Variants in C16orf95 observed in about 807,000 individuals in gnomAD.
The protein encoded by C16orf95 is chromosome 16 open reading frame 95.
C16orf95 carries 41 observed loss-of-function variants against 32.1 expected under a neutral mutation model. The ratio of observed to expected loss-of-function variants is 1.28; its 90% CI spans 1.00 to 1.66. C16orf95 has a LOEUF of 1.66. C16orf95 is among the 40% of genes most tolerant of loss of function. The pLI is 0.00. For missense variants in C16orf95, 399 were observed against 325.9 expected (o/e 1.22, Z -1.73); for synonymous variants, 147 against 128.9 (o/e 1.14, Z -0.95).
chr16:87,311,293 G>C lies in C16orf95; in HGVS notation c.334C>G (p.Gln112Glu), dbSNP rs896233701. Reference sequence around the variant, plus strand: ...GGGATAGGAAATTGAACCGTCTTTTGACTCTAACAGAGAGGATGGGAGGAG... The same window carrying C: ...GGGATAGGAAATTGAACCGTCTTTTCACTCTAACAGAGAGGATGGGAGGAG... ...PLSLRPRKQSQKTVQFPIPQT... is the reference protein window; with the variant it reads ...PLSLRPRKQSEKTVQFPIPQT... Residue 112 changes from glutamine to glutamate, a missense_variant, in exon 4 of 7, where the codon CAA becomes GAA. Gln to Glu is a conservative substitution (Grantham distance 29). Transcript: ENST00000567970. The C allele has an allele frequency of 2.6e-6, 4 of 1,529,458 alleles. No individual in the cohort carries two copies. The highest frequency in any genetic ancestry group is 3.5e-6 in the Non-Finnish European group (4 of 1,142,022). 94.7% of individuals were successfully genotyped at this position (1,529,458 alleles called of 1,614,324 possible).
intron 6 of C16orf95, 128 bp from the exon 7 acceptor site, chr16:87,303,203 G>T: frequency 2.2e-6 from 2 of 908,188 alleles, no homozygotes; most frequent in Non-Finnish European, 3.5e-6. Flanking sequence ...AGGGCTGGAG[G>T]AATCCCAGGC....
chr16:87,307,344 A>G (rs187842618), intron 5 of C16orf95, among the ~76,000 whole-genome samples: 1 of 152,384 alleles, frequency 6.6e-6, no homozygotes, highest in East Asian at 1.9e-4. Flanking sequence ...AGGAATACAC[A>G]TATGTGCCAG....
At chr16:87,311,818 T>C (rs1911296310) in intron 3 of C16orf95, among the ~76,000 whole-genome samples, 1 of 152,204 alleles carries the variant, frequency 6.6e-6, no homozygotes, top group African/African-American at 2.4e-5. Flanking sequence ...CACAGAAATA[T>C]TTGTTGCACC....
intron 1 of C16orf95, 143 bp downstream of exon 1, chr16:87,316,948 G>T: frequency 7.6e-7 from 1 of 1,312,416 alleles, no homozygotes; most frequent in Non-Finnish European, 9.9e-7. Flanking sequence ...CATCAGTTGC[G>T]TTTTTGTTAA....
chr16:87,314,637 C>T (rs2150655763), intron 3 of C16orf95, among the ~76,000 whole-genome samples: 1 of 152,244 alleles, frequency 6.6e-6, no homozygotes, highest in Middle Eastern at 3.4e-3. Flanking sequence ...CCACATTGTA[C>T]ATTTGACACA....
chr16:87,312,244 C>T (rs921504031), intron 3 of C16orf95, among the ~76,000 whole-genome samples: 1 of 152,184 alleles, frequency 6.6e-6, no homozygotes. Flanking sequence ...GGAGGAGTTA[C>T]AGCTCTGCAC....
intron 3 of C16orf95, among the ~76,000 whole-genome samples, chr16:87,314,689 GT>G (rs1206208331): frequency 1.4e-4 from 22 of 152,152 alleles, no homozygotes; most frequent in Admixed American, 1.4e-3. Context: ...TAGAAGTCTA[GT>G]TTTTAGAAAA....
At chr16:87,310,370 C>G in intron 4 of C16orf95, 37 bp from the exon 5 acceptor site, 1 of 1,535,248 alleles carries the variant, frequency 6.5e-7, no homozygotes, top group South Asian at 1.2e-5. Context: ...GTCAGCCTGG[C>G]GACCCTCCAA....
chr16:87,303,554 G>C (rs1301990588), intron 6 of C16orf95: 2 of 168,472 alleles, frequency 1.2e-5, no homozygotes, highest in African/African-American at 4.7e-5. Context: ...CATCCCAGCT[G>C]GACAAGCTGT....
At chr16:87,311,397 G>A (rs1445955022) in intron 3 of C16orf95, 101 bp from the exon 4 acceptor site, 16 of 1,287,702 alleles carry the variant, frequency 1.2e-5, no homozygotes, top group Non-Finnish European at 1.6e-5. Flanking sequence ...TCCCCTGGCT[G>A]GGTCTTAGTA....
rs561028660 is a variant in C16orf95 at position 87,311,285 on chromosome 16, C to A, written c.342G>T (p.Thr114=). The change falls in exon 4 of 7, where the codon ACG becomes ACT. Residue 114 remains threonine (T), a synonymous_variant. Coordinates refer to ENST00000567970, the MANE Select transcript of C16orf95 (RefSeq NM_001195124.3). ...SLRPRKQSQK[T]VQFPIPQTAK... The stretch of plus-strand genomic sequence containing the variant: ...CGGTTTGGGGGATAGGAAATTGAAC[C>A]GTCTTTTGACTCTAACAGAGAGGAT... The A allele has an allele frequency of 1.3e-6, 2 of 1,533,040 alleles. No individual in the cohort carries two copies. Among genetic ancestry groups the A allele is most frequent in the African/African-American group, 2.7e-5 (2 of 73,122 alleles). The allele number at this position is 1,533,040 out of a possible 1,614,324, so 95.0% of individuals were successfully genotyped here.
At chr16:87,310,145 G>A (rs1911215527) in intron 5 of C16orf95, among the ~76,000 whole-genome samples, 152 bp downstream of exon 5, 1 of 152,180 alleles carries the variant, frequency 6.6e-6, no homozygotes, top group South Asian at 2.1e-4. Flanking sequence ...AGGGATGGCT[G>A]TTGAGCAGGG....
intron 5 of C16orf95, chr16:87,306,160 T>C: frequency 2.9e-6 from 1 of 349,852 alleles, no homozygotes. Context: ...ATATGGAACA[T>C]GTGCAATGTC....
chr16:87,315,665 A>G (rs900631207), intron 2 of C16orf95, 107 bp downstream of exon 2: 6 of 856,350 alleles, frequency 7.0e-6, no homozygotes, highest in African/African-American at 1.7e-5. Flanking sequence ...TTGTGTTTGG[A>G]GGATTCTCTC....
chr16:87,315,160 T>C, intron 2 of C16orf95, 64 bp from the exon 3 acceptor site: 4 of 1,495,884 alleles, frequency 2.7e-6, no homozygotes, highest in Non-Finnish European at 3.6e-6. Context: ...GACAGGAGGC[T>C]CTCAAGCACA....
At position 87,305,927 on chromosome 16, in the gene C16orf95, T is replaced by C. The variant is rs1911006156; in HGVS notation, c.515-22A>G. Reference sequence around the variant, plus strand: ...GGTGCTAGGCAAAGAAAAGGTGGGTTGAGGACAGGGCGTGTTCTCCGGGAC... The same window carrying C: ...GGTGCTAGGCAAAGAAAAGGTGGGTCGAGGACAGGGCGTGTTCTCCGGGAC... On this transcript the variant is annotated intron_variant, in intron 5 of 6. Coordinates refer to ENST00000567970, the MANE Select transcript of C16orf95 (RefSeq NM_001195124.3). The surrounding 1 kb of genome is among the most constrained non-coding windows in gnomAD (Gnocchi z 4.2). 2 of 1,404,610 alleles carry C rather than the reference T, an allele frequency of 1.4e-6. No individual in the cohort carries two copies. Among genetic ancestry groups the C allele is most frequent in the Non-Finnish European group, 1.8e-6 (2 of 1,083,698 alleles). 87.0% of individuals were successfully genotyped at this position (1,404,610 alleles called of 1,614,324 possible). A position where few individuals can be genotyped will look rare whatever the true frequency, so the allele number is the denominator to read the frequency against.
chr16:87,302,961 G>C lies in C16orf95; in HGVS notation c.*96C>G. 2 of 1,248,352 alleles carry C rather than the reference G, an allele frequency of 1.6e-6. No individual in the cohort carries two copies. Among genetic ancestry groups the C allele is most frequent in the East Asian group, 2.5e-5 (1 of 39,520 alleles). 77.3% of individuals were successfully genotyped at this position (1,248,352 alleles called of 1,614,324 possible). A position where few individuals can be genotyped will look rare whatever the true frequency, so the allele number is the denominator to read the frequency against. On this transcript the variant is annotated 3_prime_UTR_variant, in exon 7 of 7. Coordinates refer to ENST00000567970, the MANE Select transcript of C16orf95 (RefSeq NM_001195124.3). ...GTGGATTCTGTTCTGAGAAGACAGC[G>C]ACTGTCACAGACGCCTCCTGATTGG...
chr16:87,317,181 C>G lies in C16orf95; in HGVS notation c.62G>C (p.Gly21Ala). The change falls in exon 1 of 7, where the codon GGA becomes GCA. Residue 21 changes from glycine to alanine, a missense_variant. Transcript: ENST00000567970. Reference sequence around the variant, plus strand: ...CCCGGCAGCAGCGCCTGAGGCTGCTCCAGTGGCCTCATGATGATGGTGACA... The same window carrying G: ...CCCGGCAGCAGCGCCTGAGGCTGCTGCAGTGGCCTCATGATGATGGTGACA... ...RRCHHHHEAT[G>A]AASGAAAGGP... 6.5e-7 allele frequency: 1 copy of G among 1,531,018 alleles called. No homozygotes were observed. The highest frequency in any genetic ancestry group is 8.7e-7 in the Non-Finnish European group (1 of 1,144,768). 94.8% of individuals were successfully genotyped at this position (1,531,018 alleles called of 1,614,324 possible).
intron 2 of C16orf95, 70 bp from the exon 3 acceptor site, chr16:87,315,166 G>A (rs978280446): frequency 3.4e-6 from 5 of 1,470,178 alleles, no homozygotes; most frequent in South Asian, 2.5e-5. Flanking sequence ...AGGCTCTCAA[G>A]CACAGTAGAT....
Sources: allele counts gnomAD v4.1 joint callset (sites outside exome capture counted in the v4.1 genomes callset), GRCh38; gene constraint gnomAD v4.1.1; non-coding constraint Gnocchi (gnomAD v3.1); transcripts MANE v1.5; gene names NCBI Gene and HGNC (gene_info 2026-07-23, HGNC 2026-07-21).